The following TBC1D31 variants were observed in gnomAD, a reference collection of about 807,000 sequenced individuals.
TBC1D31 encodes the protein TBC1 domain family member 31, also known as WD repeat domain 67.
TBC1D31 carries 99 observed loss-of-function variants against 132.9 expected under a neutral mutation model. The ratio of observed to expected loss-of-function variants is 0.74; its 90% confidence interval spans 0.63 to 0.88. The LOEUF (loss-of-function observed/expected upper bound fraction) is 0.88. Ranked by LOEUF, TBC1D31 falls within the 40% of genes least tolerant of loss-of-function variation. The pLI is 0.00. For synonymous variants in TBC1D31, 385 were observed against 419.4 expected (o/e 0.92, Z 1.00); for missense variants, 1,134 against 1,256.6 (o/e 0.90, Z 1.48).
intron 5 of TBC1D31, among the ~76,000 whole-genome samples, chr8:123,096,430 A>G (rs955907068): frequency 3.9e-5 from 6 of 152,226 alleles, no homozygotes; most frequent in African/African-American, 1.4e-4. Context: ...ACTGATCAGG[A>G]TAGAATTCTT....
intron 2 of TBC1D31, 147 bp from the exon 3 acceptor site, chr8:123,082,555 A>G: frequency 1.6e-6 from 1 of 611,168 alleles, no homozygotes; most frequent in South Asian, 2.0e-5. Flanking sequence ...TTAATATGGC[A>G]CATAGCACCC....
chr8:123,143,232 A>G (rs1000875487), intron 19 of TBC1D31, among the ~76,000 whole-genome samples: 6 of 152,176 alleles, frequency 3.9e-5, no homozygotes, highest in Non-Finnish European at 8.8e-5. Context: ...GGAGTTCCAT[A>G]TCATATTTCA....
chr8:123,109,633 T>A lies in TBC1D31; in HGVS notation c.1436+13T>A. 6.3e-7 allele frequency: 1 copy of A among 1,591,528 alleles called. No individual in the cohort carries two copies. Among genetic ancestry groups the A allele is most frequent in the Non-Finnish European group, 8.5e-7 (1 of 1,170,658 alleles). ...GAGTATTACAGAGGTATGTTCTATA[T>A]ATTGCAGCAATGTGTATGAGACCTG... On this transcript the variant is annotated intron_variant, in intron 10 of 21. Transcript: ENST00000287380.
At chr8:123,086,898 A>T (rs1815818576) in intron 4 of TBC1D31, among the ~76,000 whole-genome samples, 1 of 152,052 alleles carries the variant, frequency 6.6e-6, no homozygotes, top group African/African-American at 2.4e-5. Context: ...TTGTATTTTC[A>T]GTAGAGACGG....
Position 123,128,325 on chromosome 8 carries a change from T to G in TBC1D31, c.1929T>G (p.Ile643Met). The G allele has an allele frequency of 6.2e-7, 1 of 1,613,348 alleles. No homozygotes were observed. The highest frequency in any genetic ancestry group is 8.5e-7 in the Non-Finnish European group (1 of 1,179,364). The change falls in exon 14 of 22, where the codon ATT becomes ATG. Residue 643 changes from isoleucine (I) to methionine (M), a missense_variant. Coordinates refer to ENST00000287380, the MANE Select transcript of TBC1D31 (RefSeq NM_145647.4). ...HRNNLDINVV[I>M]RQVYHLMETT... ...ATAACCTGGATATAAATGTTGTGAT[T>G]AGACAAGTTTATCATCTCATGGAGA... is the stretch of plus-strand genomic sequence containing the variant.
At position 123,145,315 on chromosome 8, in the gene TBC1D31, A is replaced by C. The variant is rs28472858; in HGVS notation, c.2974+460A>C. 1.4e-3 allele frequency among the ~76,000 whole-genome samples: 218 copies of C among 152,252 alleles called. 1 individual carries two copies. The highest frequency in any genetic ancestry group is 4.0e-3 in the African/African-American group (168 of 41,540). ...CACTGGTTACCATATTTTTGGTGGG[A>C]AAGGGTGGGCTGAGGTGGGACTATT... On this transcript the variant is annotated intron_variant, in intron 20 of 21. Transcript: ENST00000287380.
At position 123,109,398 on chromosome 8, in the gene TBC1D31, TA is replaced by T. The variant is rs778528196; in HGVS notation, c.1289+3del. The stretch of plus-strand genomic sequence containing the variant: ...TGGTGAATATCCAACAAAATACAGG[TA>T]CAATTTAAATTCTGTATGTTACATC... On this transcript the variant is annotated splice_donor_region_variant and intron_variant, in intron 9 of 21. Transcript: ENST00000287380. The T allele has an allele frequency of 6.8e-6, 11 of 1,609,160 alleles. No homozygotes were observed. The East Asian group carries it at 1.6e-4, about 23-fold the overall frequency.
intron 19 of TBC1D31, 31 bp from the exon 20 acceptor site, chr8:123,144,686 G>C: frequency 1.3e-6 from 2 of 1,588,708 alleles, no homozygotes; most frequent in Non-Finnish European, 1.7e-6. Flanking sequence ...TACTTTTTAT[G>C]TAATCTTTTT....
At chr8:123,101,428 T>G (rs1817405513) in intron 7 of TBC1D31, among the ~76,000 whole-genome samples, 1 of 152,210 alleles carries the variant, frequency 6.6e-6, no homozygotes, top group South Asian at 2.1e-4. Flanking sequence ...TGTTTTTGTT[T>G]TTTGAGACGG....
At position 123,109,617 on chromosome 8, in the gene TBC1D31, A is replaced by G. The variant is rs770177401; in HGVS notation, c.1433A>G (p.Gln478Arg). Residue 478 changes from glutamine to arginine, a missense_variant, in exon 10 of 22, where the codon CAG becomes CGG. Gln to Arg is a conservative substitution (Grantham distance 43). Transcript: ENST00000287380. ...AGTAGGAAGCTACTCAGAGTATTAC[A>G]GAGGTATGTTCTATATATTGCAGCA... is the stretch of plus-strand genomic sequence containing the variant. ...IKSRKLLRVL[Q>R]RTLSALAHWS... The G allele has an allele frequency of 5.6e-6, 9 of 1,611,166 alleles. No individual in the cohort carries two copies. The African/African-American group carries it at 1.1e-4, about 19-fold the overall frequency.
Position 123,128,419 on chromosome 8 carries a change from C to T in TBC1D31, c.2023C>T (p.Pro675Ser). Residue 675 changes from proline to serine, a missense_variant, in exon 14 of 22, where the codon CCA becomes TCA. By Grantham distance (74) the Pro-to-Ser change is moderately conservative (BLOSUM62 -1). Transcript: ENST00000287380. The stretch of plus-strand genomic sequence containing the variant: ...TGTTGCACTGACAAAAGGGCAGTAT[C>T]CAGTATTTAATCAATATCCAAAGTT... ...VFVALTKGQY[P>S]VFNQYPKFIV... 1.2e-6 allele frequency: 2 copies of T among 1,613,540 alleles called. No homozygotes were observed. The highest frequency in any genetic ancestry group is 8.5e-7 in the Non-Finnish European group (1 of 1,179,658).
chr8:123,095,537 G>A (rs114795476), intron 5 of TBC1D31, among the ~76,000 whole-genome samples: 2,600 of 152,158 alleles, frequency 0.017, 89 homozygotes, highest in African/African-American at 0.059. Context: ...GAAGATTTTT[G>A]TCTTGAATCT....
chr8:123,138,144 TG>T (rs1415044204), intron 17 of TBC1D31, among the ~76,000 whole-genome samples: 1 of 152,232 alleles, frequency 6.6e-6, no homozygotes, highest in African/African-American at 2.4e-5. Context: ...TACTTCTTTA[TG>T]GAGTAGCTAA....
intron 2 of TBC1D31, among the ~76,000 whole-genome samples, chr8:123,080,585 CG>C (rs1815045031): frequency 7.8e-6 from 1 of 128,436 alleles, no homozygotes; most frequent in Non-Finnish European, 1.6e-5. Flanking sequence ...TTGCCCAGGC[CG>C]GGGTACAGTG....
At chr8:123,123,954 C>A (rs2130746992) in intron 11 of TBC1D31, among the ~76,000 whole-genome samples, 1 of 151,972 alleles carries the variant, frequency 6.6e-6, no homozygotes, top group South Asian at 2.1e-4. Flanking sequence ...TTTTGTTAAT[C>A]CACAGCACAA....
rs760407445 is a variant in TBC1D31, at chr8:123,077,213, G to A, written c.180G>A (p.Gly60=). The A allele has an allele frequency of 1.9e-6, 3 of 1,611,746 alleles. No individual in the cohort carries two copies. The Admixed American group carries it at 5.0e-5, about 27-fold the overall frequency. ...FDGTGDCLIA[G]DHQGNIYVFD... ...GCACAGGCGACTGCTTAATTGCTGG[G>A]GACCACCAAGGAAATATTTATGTTT... Residue 60 remains glycine, a synonymous_variant, in exon 2 of 22, where the codon GGG becomes GGA. Transcript: ENST00000287380.
downstream of TBC1D31, among the ~76,000 whole-genome samples, chr8:123,153,174 A>T (rs1822898904): frequency 1.3e-5 from 2 of 152,170 alleles, no homozygotes; most frequent in Non-Finnish European, 2.9e-5. Flanking sequence ...TGACAACAGG[A>T]ATCCCAGGAT....
chr8:123,160,804 C>T, the TBC1D31 span, among the ~76,000 whole-genome samples: 1 of 152,188 alleles, frequency 6.6e-6, no homozygotes, highest in Non-Finnish European at 1.5e-5. Flanking sequence ...GCAGATATTT[C>T]GCTCCGTAAA....
intron 14 of TBC1D31, 101 bp from the exon 15 acceptor site, chr8:123,128,965 A>G: frequency 1.3e-6 from 1 of 752,650 alleles, no homozygotes; most frequent in Non-Finnish European, 2.0e-6. Context: ...ATTCTTGCAT[A>G]TGGAAATAAA....
Sources: allele counts gnomAD v4.1 joint callset (sites outside exome capture counted in the v4.1 genomes callset), GRCh38; gene constraint gnomAD v4.1.1; transcripts MANE v1.5; gene names NCBI Gene and HGNC (gene_info 2026-07-23, HGNC 2026-07-21).